Variants in LRRC70 observed in about 807,000 individuals in gnomAD.
LRRC70 encodes the protein leucine-rich repeat-containing protein 70.
A neutral mutation model predicts 42.4 loss-of-function variants in LRRC70; 31 were observed. The ratio of observed to expected loss-of-function variants is 0.73; its 90% confidence interval spans 0.55 to 0.99. The LOEUF (loss-of-function observed/expected upper bound fraction) is 0.99. Ranked by LOEUF, LRRC70 falls within the 50% of genes least tolerant of loss-of-function variation. LRRC70 has a pLI of 0.00. For missense variants in LRRC70, 643 were observed against 707.5 expected (o/e 0.91, Z 1.03); for synonymous variants, 270 against 262.9 (o/e 1.03, Z -0.26).
rs1397237987 is a variant in LRRC70 at position 62,580,242 on chromosome 5, T to C, written c.804T>C (p.Thr268=). The C allele has an allele frequency of 3.2e-6, 5 of 1,548,400 alleles. No individual in the cohort carries two copies. In the East Asian group the frequency reaches 9.8e-5, roughly 30 times the overall value. ...LLKNSRIRNV[T]RDGFSGINNL... ...AAAATTCAAGAATTAGGAATGTTAC[T>C]AGGGATGGGTTTAGTGGAATTAATA... is the stretch of plus-strand genomic sequence containing the variant. Residue 268 remains threonine (T), a synonymous_variant, in exon 2 of 2, where the codon ACT becomes ACC. Coordinates refer to ENST00000334994, the MANE Select transcript of LRRC70 (RefSeq NM_181506.5).
In LRRC70 at chr5:62,578,889, C is replaced by A; in HGVS notation, c.-85C>A. The A allele has an allele frequency of 3.3e-6, 1 of 300,796 alleles. No individual in the cohort carries two copies. The allele number at this position is 300,796 out of a possible 1,614,324, so 18.6% of individuals were successfully genotyped here. A position where few individuals can be genotyped will look rare whatever the true frequency, so the allele number is the denominator to read the frequency against. The stretch of plus-strand genomic sequence containing the variant: ...CGTTCTTCAGATTTAAAAAGAAAAC[C>A]TTTACTGAATCAGCTGAGTGTTAAT... On this transcript the variant is annotated 5_prime_UTR_variant, in exon 1 of 2. Transcript: ENST00000334994.
At position 62,580,735 on chromosome 5, in the gene LRRC70, G is replaced by A; in HGVS notation, c.1297G>A (p.Ala433Thr). ...TCACAAGACTACTGCGCTAATGATG[G>A]CCTGGCATAAAGTAACCACAAATGG... is the stretch of plus-strand genomic sequence containing the variant. The part of the protein sequence containing the change: ...IHHKTTALMM[A>T]WHKVTTNGSP... Residue 433 changes from alanine to threonine, a missense_variant, in exon 2 of 2, where the codon GCC (alanine) becomes ACC (threonine). Transcript: ENST00000334994. 1.3e-6 allele frequency: 2 copies of A among 1,551,384 alleles called. No individual in the cohort carries two copies. The highest frequency in any genetic ancestry group is 1.7e-6 in the Non-Finnish European group (2 of 1,146,818).
chr5:62,580,430 A>G lies in LRRC70; in HGVS notation c.992A>G (p.Asn331Ser), dbSNP rs1025389325. The change falls in exon 2 of 2, where the codon AAT (asparagine) becomes AGT (serine). Residue 331 changes from asparagine (N) to serine (S), a missense_variant. Asn to Ser is a conservative substitution (Grantham distance 46). Transcript: ENST00000334994. ...ATGGGAGCATCTTTGAAGATCCTTA[A>G]TCTGTCATTTAATAATCTTACAGCC... is the stretch of plus-strand genomic sequence containing the variant. ...ENMGASLKIL[N>S]LSFNNLTALH... The G allele has an allele frequency of 1.9e-6, 3 of 1,551,272 alleles. No homozygotes were observed. Among genetic ancestry groups the G allele is most frequent in the Admixed American group, 2.0e-5 (1 of 50,950 alleles).
In LRRC70 at chr5:62,579,434, G is replaced by A. The variant is rs1213910817; in HGVS notation, c.-5G>A. ...GATCTGAACAGAAAATCCAAGAACA[G>A]GGATATGTGTGGATTACAGTTTTCT... is the stretch of plus-strand genomic sequence containing the variant. On this transcript the variant is annotated 5_prime_UTR_variant, in exon 2 of 2. Coordinates refer to ENST00000334994, the MANE Select transcript of LRRC70 (RefSeq NM_181506.5). 1.3e-6 allele frequency: 2 copies of A among 1,550,574 alleles called. No individual in the cohort carries two copies. Among genetic ancestry groups the A allele is most frequent in the Non-Finnish European group, 8.7e-7 (1 of 1,146,196 alleles).
In LRRC70 at chr5:62,580,305, G is replaced by T. The variant is rs927564435; in HGVS notation, c.867G>T (p.Glu289Asp). The T allele has an allele frequency of 1.3e-6, 2 of 1,536,890 alleles. No individual in the cohort carries two copies. The highest frequency in any genetic ancestry group is 1.4e-5 in the African/African-American group (1 of 72,634). The change falls in exon 2 of 2, where the codon GAG becomes GAT. Residue 289 changes from glutamate (E) to aspartate (D), a missense_variant. Transcript: ENST00000334994. ...KHLILSHNDL[E>D]NLNSDTFSLL... ...TGATCTTAAGTCATAATGATTTAGA[G>T]AATTTAAATTCTGACACATTCAGTT... is the stretch of plus-strand genomic sequence containing the variant.
Position 62,579,889 on chromosome 5 carries a change from G to A in LRRC70, c.451G>A (p.Val151Ile). The change falls in exon 2 of 2, where the codon GTA (valine) becomes ATA (isoleucine). Residue 151 changes from valine to isoleucine, a missense_variant. Val to Ile is a conservative substitution (Grantham distance 29, BLOSUM62 3). Coordinates refer to ENST00000334994, the MANE Select transcript of LRRC70 (RefSeq NM_181506.5). ...TCAGGTATCTTTTGTTCCGAGAGGA[G>A]TATTTAATGATCTAGTTTCAGTTCA... ...YNQVSFVPRG[V>I]FNDLVSVQYL... The A allele has an allele frequency of 6.4e-7, 1 of 1,550,864 alleles. No homozygotes were observed. Among genetic ancestry groups the A allele is most frequent in the Non-Finnish European group, 8.7e-7 (1 of 1,146,378 alleles).
Position 62,580,212 on chromosome 5 carries a change from C to G in LRRC70, c.774C>G (p.Leu258=), listed in dbSNP as rs938713657. ...FKGLANLEYL[L]LKNSRIRNVT... ...GACTTGCCAATCTGGAATACCTCCTCCTGAAAAATTCAAGAATTAGGAATG... is the reference window on the plus strand; with the variant it reads ...GACTTGCCAATCTGGAATACCTCCTGCTGAAAAATTCAAGAATTAGGAATG... The change falls in exon 2 of 2, where the codon CTC becomes CTG. Residue 258 remains leucine, a synonymous_variant. Transcript: ENST00000334994. 1 of 1,550,860 alleles carries G rather than the reference C, an allele frequency of 6.4e-7. No individual in the cohort carries two copies. The highest frequency in any genetic ancestry group is 2.0e-5 in the Admixed American group (1 of 50,954).
At chr5:62,579,234 C>A (rs1003388292) in intron 1 of LRRC70, among the ~76,000 whole-genome samples, 167 bp from the exon 2 acceptor site, 4 of 151,932 alleles carry the variant, frequency 2.6e-5, no homozygotes, top group African/African-American at 9.7e-5. Flanking sequence ...GTTAATAATT[C>A]TAGAACGTAT....
Position 62,581,188 on chromosome 5 carries a change from A to G in LRRC70, c.1750A>G (p.Ile584Val), listed in dbSNP as rs1284679820. The change falls in exon 2 of 2, where the codon ATT (isoleucine) becomes GTT (valine). Residue 584 changes from isoleucine (I) to valine (V), a missense_variant. Ile to Val is a conservative substitution (Grantham distance 29). Transcript: ENST00000334994. ...AGCAAGGTATAATGTAACTGCCTCA[A>G]TTTGTAACACTTCCCCAAATTCTCT... The part of the protein sequence containing the change: ...QSARYNVTAS[I>V]CNTSPNSLES... 22 of 1,551,024 alleles carry G rather than the reference A, an allele frequency of 1.4e-5. No homozygotes were observed. The highest frequency in any genetic ancestry group is 1.9e-5 in the Non-Finnish European group (22 of 1,146,730).
At position 62,580,134 on chromosome 5, in the gene LRRC70, ACTTT is replaced by A. The variant is rs1292059533; in HGVS notation, c.701_704del (p.Ser234CysfsTer25). 2.4e-5 allele frequency: 37 copies of A among 1,550,982 alleles called. No individual in the cohort carries two copies. The highest frequency in any genetic ancestry group is 3.1e-5 in the Non-Finnish European group (36 of 1,146,582). ...TTGAAGTACTTAAAAGTCTTAGAAG[ACTTT>A]CTTTGTCTCATAATCCTATTGAAGC... On this transcript the variant is annotated frameshift_variant, in exon 2 of 2. Transcript: ENST00000334994. LOFTEE classifies it high-confidence loss of function.
At position 62,580,219 on chromosome 5, in the gene LRRC70, AATTCAAGAATT is replaced by A; in HGVS notation, c.783_793del (p.Asn261LysfsTer5). On this transcript the variant is annotated frameshift_variant, in exon 2 of 2. Transcript: ENST00000334994. LOFTEE classifies it high-confidence loss of function. Reference sequence around the variant, plus strand: ...CAATCTGGAATACCTCCTCCTGAAAAATTCAAGAATTAGGAATGTTACTAGGGATGGGTTTA... The same window carrying A: ...CAATCTGGAATACCTCCTCCTGAAAAAGGAATGTTACTAGGGATGGGTTTA... 6.4e-7 allele frequency: 1 copy of A among 1,550,878 alleles called. No homozygotes were observed. Among genetic ancestry groups the A allele is most frequent in the Non-Finnish European group, 8.7e-7 (1 of 1,146,414 alleles).
Position 62,580,814 on chromosome 5 carries a change from C to T in LRRC70, c.1376C>T (p.Pro459Leu). ...AACATTACTTTCTGGGAACGAATTC[C>T]TACTTCACCTGCTGGTAGATTTTTT... Reference protein sequence around the residue: ...TENITFWERIPTSPAGRFFQE... With the variant: ...TENITFWERILTSPAGRFFQE... Residue 459 changes from proline to leucine, a missense_variant, in exon 2 of 2, where the codon CCT becomes CTT. Transcript: ENST00000334994. The T allele has an allele frequency of 6.4e-7, 1 of 1,551,404 alleles. No homozygotes were observed.
At chr5:62,579,218 G>T (rs912216860) in intron 1 of LRRC70, among the ~76,000 whole-genome samples, 183 bp from the exon 2 acceptor site, 15 of 151,962 alleles carry the variant, frequency 9.9e-5, no homozygotes, top group Non-Finnish European at 1.6e-4. Context: ...TTAATGGCCT[G>T]ATCATGTTAA....
In LRRC70 at chr5:62,580,922, A is replaced by T. The variant is rs1191468450; in HGVS notation, c.1484A>T (p.Asn495Ile). The change falls in exon 2 of 2, where the codon AAC (asparagine) becomes ATC (isoleucine). Residue 495 changes from asparagine (N) to isoleucine (I), a missense_variant. Physicochemically the swap from Asn to Ile is moderately radical, Grantham distance 149. Transcript: ENST00000334994. The part of the protein sequence containing the change: ...QIQLTTSVTL[N>I]LEKNSALPND... ...CAACTTACTACTTCTGTTACCTTGA[A>T]CTTGGAAAAAAACAGTGCTCTACCG... is the stretch of plus-strand genomic sequence containing the variant. The T allele has an allele frequency of 7.7e-6, 12 of 1,551,328 alleles. No individual in the cohort carries two copies. The highest frequency in any genetic ancestry group is 1.0e-5 in the Non-Finnish European group (12 of 1,146,830).
Position 62,580,764 on chromosome 5 carries a change from TC to T in LRRC70, c.1328del (p.Pro443LeufsTer34). ...AWHKVTTNGS[P>X]LENTETENIT... ...GGCATAAAGTAACCACAAATGGCAG[TC>T]CTCTGGAAAATACTGAGACTGAGAA... is the stretch of plus-strand genomic sequence containing the variant. On this transcript the variant is annotated frameshift_variant, in exon 2 of 2. Coordinates refer to ENST00000334994, the MANE Select transcript of LRRC70 (RefSeq NM_181506.5). LOFTEE classifies it high-confidence loss of function. The T allele has an allele frequency of 6.4e-7, 1 of 1,551,464 alleles. No homozygotes were observed. Among genetic ancestry groups the T allele is most frequent in the Non-Finnish European group, 8.7e-7 (1 of 1,146,862 alleles).
chr5:62,580,950 T>C lies in LRRC70; in HGVS notation c.1512T>C (p.Asn504=), dbSNP rs1324227695. ...LNLEKNSALP[N]DAASMSGKTS... is the part of the protein sequence containing the mutation. ...TGGAAAAAAACAGTGCTCTACCGAA[T>C]GATGCTGCTTCAATGTCAGGGAAAA... is the stretch of plus-strand genomic sequence containing the variant. The change falls in exon 2 of 2, where the codon AAT becomes AAC. Residue 504 remains asparagine (N), a synonymous_variant. Coordinates refer to ENST00000334994, the MANE Select transcript of LRRC70 (RefSeq NM_181506.5). 2 of 1,551,284 alleles carry C rather than the reference T, an allele frequency of 1.3e-6. No individual in the cohort carries two copies. Among genetic ancestry groups the C allele is most frequent in the African/African-American group, 2.7e-5 (2 of 73,156 alleles).
Position 62,579,635 on chromosome 5 carries a change from A to G in LRRC70, c.197A>G (p.Tyr66Cys), listed in dbSNP as rs1744463134. ...KNFPESTVFLYLTGNNISYIN... is the reference protein window; with the variant it reads ...KNFPESTVFLCLTGNNISYIN... Reference sequence around the variant, plus strand: ...TTTCCTGAAAGTACAGTTTTTCTGTATCTGACTGGGAATAATATATCTTAT... The same window carrying G: ...TTTCCTGAAAGTACAGTTTTTCTGTGTCTGACTGGGAATAATATATCTTAT... Residue 66 changes from tyrosine to cysteine, a missense_variant, in exon 2 of 2, where the codon TAT becomes TGT. By Grantham distance (194) the Tyr-to-Cys change is radical. Transcript: ENST00000334994. 6.5e-7 allele frequency: 1 copy of G among 1,550,052 alleles called. No individual in the cohort carries two copies. The highest frequency in any genetic ancestry group is 1.4e-5 in the African/African-American group (1 of 73,070).
Position 62,581,399 on chromosome 5 carries a change from T to A in LRRC70, c.*92T>A. The A allele has an allele frequency of 1.1e-6, 1 of 941,220 alleles. No homozygotes were observed. Among genetic ancestry groups the A allele is most frequent in the Non-Finnish European group, 1.5e-6 (1 of 654,424 alleles). The allele number at this position is 941,220 out of a possible 1,614,324, so 58.3% of individuals were successfully genotyped here. A position where few individuals can be genotyped will look rare whatever the true frequency, so the allele number is the denominator to read the frequency against. On this transcript the variant is annotated 3_prime_UTR_variant, in exon 2 of 2. Coordinates refer to ENST00000334994, the MANE Select transcript of LRRC70 (RefSeq NM_181506.5). ...TATAATTATATACTTTAGTTGGAAA[T>A]ATAATGAATTATATGAGGTTAGCAT...
chr5:62,579,501 T>G lies in LRRC70; in HGVS notation c.63T>G (p.Leu21=). 6.4e-7 allele frequency: 1 copy of G among 1,551,030 alleles called. No individual in the cohort carries two copies. Among genetic ancestry groups the G allele is most frequent in the Non-Finnish European group, 8.7e-7 (1 of 1,146,552 alleles). Residue 21 remains leucine, a synonymous_variant, in exon 2 of 2, where the codon CTT becomes CTG. Transcript: ENST00000334994. ...TGTTTCTGGTTGTTACCTGTTATCTTTTATTATTACTCCACAAAGAAATAC... is the reference window on the plus strand; with the variant it reads ...TGTTTCTGGTTGTTACCTGTTATCTGTTATTATTACTCCACAAAGAAATAC... ...LRLFLVVTCY[L]LLLLHKEILG... is the part of the protein sequence containing the mutation.
Sources: allele counts gnomAD v4.1 joint callset (sites outside exome capture counted in the v4.1 genomes callset), GRCh38; gene constraint gnomAD v4.1.1; transcripts MANE v1.5; gene names NCBI Gene and HGNC (gene_info 2026-07-23, HGNC 2026-07-21).